Variants in IRF7 observed in about 807,000 individuals in gnomAD.
The protein encoded by IRF7 is interferon regulatory factor-7H.
IRF7 carries 67 observed loss-of-function variants against 51.3 expected under a neutral mutation model. The ratio of observed to expected loss-of-function variants is 1.31; its 90% CI spans 1.07 to 1.60. The LOEUF is 1.60. IRF7 is among the 40% of genes most tolerant of loss of function. IRF7 has a pLI of 0.00. For missense variants in IRF7, 873 were observed against 701.5 expected (o/e 1.24, Z -2.76); for synonymous variants, 427 against 301.3 (o/e 1.42, Z -4.32).
chr11:613,720 C>T (rs1236936624), intron 8 of IRF7, 65 bp downstream of exon 8: 41 of 519,424 alleles, frequency 7.9e-5, no homozygotes, highest in Middle Eastern at 5.5e-4. Flanking sequence ...GATGGGTGGG[C>T]GGGGACAAGC....
chr11:613,842 G>A lies in IRF7; in HGVS notation c.790C>T (p.Pro264Ser). The change falls in exon 8 of 11, where the codon CCG becomes TCG. Residue 264 changes from proline to serine, a missense_variant. Coordinates refer to ENST00000525445, the MANE Select transcript of IRF7 (RefSeq NM_001572.5). Reference protein sequence around the residue: ...TTGEAAAPESPHQAEPYLSPS... With the variant: ...TTGEAAAPESSHQAEPYLSPS... ...GACAGGTACGGCTCTGCCTGGTGCGGGGACTCTGGGGCCGCGGCCTCGCCT... is the reference window on the plus strand; with the variant it reads ...GACAGGTACGGCTCTGCCTGGTGCGAGGACTCTGGGGCCGCGGCCTCGCCT... 1 of 1,598,482 alleles carries A rather than the reference G, an allele frequency of 6.3e-7. No individual in the cohort carries two copies. The highest frequency in any genetic ancestry group is 8.5e-7 in the Non-Finnish European group (1 of 1,174,510).
rs1481030664 is a variant in IRF7, at chr11:613,634, G to C, written c.848-39C>G. On this transcript the variant is annotated intron_variant, in intron 8 of 10. Transcript: ENST00000525445. ...AAGCTGTGAGTGACGGGGGTGGGCG[G>C]GGACAGGCTGTGAGTGACGGGGGTG... 2.4e-6 allele frequency: 3 copies of C among 1,260,846 alleles called. No homozygotes were observed. The East Asian group carries it at 7.7e-5, about 32-fold the overall frequency. 78.1% of individuals were successfully genotyped at this position (1,260,846 alleles called of 1,614,324 possible). A position where few individuals can be genotyped will look rare whatever the true frequency, so the allele number is the denominator to read the frequency against.
At position 613,438 on chromosome 11, in the gene IRF7, G is replaced by C. The variant is rs1051713923; in HGVS notation, c.1005C>G (p.Ala335=). Residue 335 remains alanine (A), a synonymous_variant, in exon 9 of 11, where the codon GCC becomes GCG. Coordinates refer to ENST00000525445, the MANE Select transcript of IRF7 (RefSeq NM_001572.5). ...GCAGCTGCTTCTGGTCCGGGAGCTC[G>C]GCAGGGCTGGGGAATGCTACCTGCT... is the stretch of plus-strand genomic sequence containing the variant. The part of the protein sequence containing the change: ...DPQQVAFPSP[A]ELPDQKQLRY... 1.9e-6 allele frequency: 3 copies of C among 1,557,874 alleles called. No individual in the cohort carries two copies. In the African/African-American group the frequency reaches 4.1e-5, roughly 21 times the overall value.
Position 612,877 on chromosome 11 carries a change from C to T in IRF7, c.1357-77G>A, listed in dbSNP as rs565824165. The T allele has an allele frequency of 4.6e-5, 73 of 1,589,208 alleles. No homozygotes were observed. In the Middle Eastern group the frequency reaches 5.4e-4, roughly 12 times the overall value. On this transcript the variant is annotated intron_variant, in intron 10 of 10. Transcript: ENST00000525445. Reference sequence around the variant, plus strand: ...CCCCCTCCCCAGGCTCTGAGGGCGTCGGGCGTCTGTCAGTGACCCGGTGTA... The same window carrying T: ...CCCCCTCCCCAGGCTCTGAGGGCGTTGGGCGTCTGTCAGTGACCCGGTGTA...
rs1242029531 is a variant in IRF7 at position 613,768 on chromosome 11, T to TC, written c.847+16dup. 6.6e-7 allele frequency: 1 copy of TC among 1,516,046 alleles called. No homozygotes were observed. Among genetic ancestry groups the TC allele is most frequent in the Admixed American group, 2.4e-5 (1 of 40,896 alleles). The allele number at this position is 1,516,046 out of a possible 1,614,324, so 93.9% of individuals were successfully genotyped here. A position where few individuals can be genotyped will look rare whatever the true frequency, so the allele number is the denominator to read the frequency against. On this transcript the variant is annotated intron_variant, in intron 8 of 10. Coordinates refer to ENST00000525445, the MANE Select transcript of IRF7 (RefSeq NM_001572.5). ...GGGTGGGCGGGGACAGGCTGCCCCT[T>TC]CCTGGGATGCACTCACCTTGCACCG... is the stretch of plus-strand genomic sequence containing the variant.
chr11:614,246 C>T lies in IRF7; in HGVS notation c.607G>A (p.Ala203Thr), dbSNP rs780007979. The change falls in exon 6 of 11, where the codon GCA becomes ACA. Residue 203 changes from alanine to threonine, a missense_variant. By Grantham distance (58) the Ala-to-Thr change is moderately conservative. Transcript: ENST00000525445. ...GGAGCCTTGGTTGGGACTGGATCTG[C>T]CCCCCATGACGCTGTCAGCAGATGG... ...ADHLLTASWG[A>T]DPVPTKAPGE... is the part of the protein sequence containing the mutation. 4 of 1,612,682 alleles carry T rather than the reference C, an allele frequency of 2.5e-6. No individual in the cohort carries two copies. The highest frequency in any genetic ancestry group is 2.2e-5 in the East Asian group (1 of 44,844).
chr11:613,588 G>A lies in IRF7; in HGVS notation c.855C>T (p.Ser285=), dbSNP rs538772745. The change falls in exon 9 of 11, where the codon AGC becomes AGT. Residue 285 remains serine (S), a synonymous_variant. Transcript: ENST00000525445. ...TGATGGTCACGTCCAGCGCCCCTGG[G>A]CTGGGCTCTGTGTGGAGACCAAGCT... The part of the protein sequence containing the change: ...PSACTAVQEP[S]PGALDVTIMY... 9 of 1,558,836 alleles carry A rather than the reference G, an allele frequency of 5.8e-6. No homozygotes were observed. Among genetic ancestry groups the A allele is most frequent in the African/African-American group, 1.4e-5 (1 of 72,874 alleles).
At chr11:614,692 G>A in intron 4 of IRF7, 105 bp downstream of exon 4, 1 of 1,402,458 alleles carries the variant, frequency 7.1e-7, no homozygotes, top group Non-Finnish European at 9.6e-7. Flanking sequence ...CCTGCTGGCA[G>A]CCTCTCCCAG....
In IRF7 at chr11:615,010, G is replaced by T. The variant is rs12290989; in HGVS notation, c.184-3C>A. On this transcript the variant is annotated splice_polypyrimidine_tract_variant and splice_region_variant and intron_variant, in intron 3 of 10. Coordinates refer to ENST00000525445, the MANE Select transcript of IRF7 (RefSeq NM_001572.5). ...CTGCCGCGGGCCACAGCCCAGGCCT[G>T]AAGAGGGGGACAGAACACGTGTGCC... The T allele has an allele frequency of 0.27, 419,067 of 1,542,680 alleles. 62,014 individuals carry two copies. Among genetic ancestry groups the T allele is most frequent in the African/African-American group, 0.52 (38,164 of 73,560 alleles).
In IRF7 at chr11:613,363, C is replaced by T. The variant is rs766831508; in HGVS notation, c.1080G>A (p.Glu360=). The T allele has an allele frequency of 7.5e-6, 12 of 1,610,446 alleles. No individual in the cohort carries two copies. In the East Asian group the frequency reaches 2.2e-4, roughly 30 times the overall value. Residue 360 remains glutamate (E), a synonymous_variant, in exon 9 of 11, where the codon GAG becomes GAA. Coordinates refer to ENST00000525445, the MANE Select transcript of IRF7 (RefSeq NM_001572.5). ...GGGCCCACAGCTGTGGCCCCCGAAG[C>T]TCCAGGTGCAACCCAGGGGCCACGT... The part of the protein sequence containing the change: ...LRHVAPGLHL[E]LRGPQLWARR...
Position 612,964 on chromosome 11 carries a change from C to T in IRF7, c.1356+35G>A, listed in dbSNP as rs371536958. On this transcript the variant is annotated intron_variant, in intron 10 of 10. Transcript: ENST00000525445. ...TCAGGCGTCTGTCAGTGGGCCTGAG[C>T]ACATGGCCTCCCCTCCTTGAGGCTC... is the stretch of plus-strand genomic sequence containing the variant. The T allele has an allele frequency of 4.5e-5, 72 of 1,601,646 alleles. No homozygotes were observed. In the African/African-American group the frequency reaches 8.0e-4, roughly 18 times the overall value.
At chr11:614,769 A>C in intron 4 of IRF7, 28 bp downstream of exon 4, 1 of 1,522,944 alleles carries the variant, frequency 6.6e-7, no homozygotes, top group South Asian at 1.2e-5. Context: ...GACGAATGCC[A>C]ACGCCCTTGG....
rs768723507 is a variant in IRF7, at chr11:612,687, G to A, written c.1470C>T (p.Asp490=). The A allele has an allele frequency of 1.1e-4, 175 of 1,613,142 alleles. No individual in the cohort carries two copies. Among genetic ancestry groups the A allele is most frequent in the African/African-American group, 1.7e-4 (13 of 74,932 alleles). ...LCLSSANSLY[D]DIECFLMELE... ...GCTCCATAAGGAAGCACTCGATGTC[G>A]TCATAGAGGCTGTTGGCGCTGGACA... The change falls in exon 11 of 11, where the codon GAC becomes GAT. Residue 490 remains aspartate, a synonymous_variant. Coordinates refer to ENST00000525445, the MANE Select transcript of IRF7 (RefSeq NM_001572.5).
chr11:613,520 G>C lies in IRF7; in HGVS notation c.923C>G (p.Pro308Arg). ...GGGGCCGTATAGGAACGTGCAGCTC[G>C]GGTGTCCCACCACCTTCTGCAGCAC... Reference protein sequence around the residue: ...RTVLQKVVGHPSCTFLYGPPD... With the variant: ...RTVLQKVVGHRSCTFLYGPPD... Residue 308 changes from proline (P) to arginine (R), a missense_variant, in exon 9 of 11, where the codon CCG becomes CGG. Transcript: ENST00000525445. The C allele has an allele frequency of 6.4e-7, 1 of 1,563,588 alleles. No individual in the cohort carries two copies. Among genetic ancestry groups the C allele is most frequent in the Non-Finnish European group, 8.6e-7 (1 of 1,157,094 alleles).
intron 3 of IRF7, 33 bp downstream of exon 3, chr11:615,064 C>T (rs1589924431): frequency 1.9e-6 from 3 of 1,562,720 alleles, no homozygotes; most frequent in African/African-American, 2.7e-5. Flanking sequence ...GCGGGCTCTC[C>T]CACCCGGGGC....
At position 614,300 on chromosome 11, in the gene IRF7, G is replaced by A. The variant is rs756347258; in HGVS notation, c.553C>T (p.Gln185Ter). 32 of 1,611,806 alleles carry A rather than the reference G, an allele frequency of 2.0e-5. No homozygotes were observed. The highest frequency in any genetic ancestry group is 1.6e-4 in the Middle Eastern group (1 of 6,084). ...PAGDKGDLLL[Q>*]AVQQSCLADH... Reference sequence around the variant, plus strand: ...GCCAGGCAGCTCTGTTGCACTGCCTGGAGCAGGAGGTCCCCCTTGTCACCA... The same window carrying A: ...GCCAGGCAGCTCTGTTGCACTGCCTAGAGCAGGAGGTCCCCCTTGTCACCA... The change falls in exon 6 of 11, where the codon CAG becomes TAG. Residue 185 changes from glutamine to a stop codon, truncating the protein, a stop_gained. Transcript: ENST00000525445. LOFTEE classifies it high-confidence loss of function.
chr11:612,953 G>C, intron 10 of IRF7, 46 bp downstream of exon 10: 1 of 1,595,574 alleles, frequency 6.3e-7, no homozygotes. Flanking sequence ...GCGTCTGTCA[G>C]TGGGCCTGAG....
chr11:612,764 T>A lies in IRF7; in HGVS notation c.1393A>T (p.Thr465Ser), dbSNP rs1589916130. 6.2e-7 allele frequency: 1 copy of A among 1,612,032 alleles called. No individual in the cohort carries two copies. ...AGGGAAGACACACCCTCACGCTGCG[T>A]GCCCTCTAGGTGCACTCGGCACAGC... ...PWLCRVHLEG[T>S]QREGVSSLDS... The change falls in exon 11 of 11, where the codon ACG (threonine) becomes TCG (serine). Residue 465 changes from threonine (T) to serine (S), a missense_variant. Coordinates refer to ENST00000525445, the MANE Select transcript of IRF7 (RefSeq NM_001572.5).
Position 614,867 on chromosome 11 carries a change from C to T in IRF7, c.324G>A (p.Leu108=), listed in dbSNP as rs1438044849. Residue 108 remains leucine (L), a synonymous_variant, in exon 4 of 11, where the codon CTG becomes CTA. Transcript: ENST00000525445. ...CGGCCGGGTCCCCCGAGTTATCCCG[C>T]AGCATCACGAAGCGACGCGTGCTGC... ...ALRSTRRFVM[L]RDNSGDPADP... The T allele has an allele frequency of 4.4e-6, 7 of 1,576,128 alleles. No homozygotes were observed. The East Asian group carries it at 1.2e-4, about 27-fold the overall frequency.
Sources: allele counts gnomAD v4.1 joint callset, GRCh38; gene constraint gnomAD v4.1.1; transcripts MANE v1.5; gene names NCBI Gene and HGNC (gene_info 2026-07-23, HGNC 2026-07-21).